CRPPA: variants seen among roughly 807,000 people sequenced by gnomAD.
The protein encoded by CRPPA is CDP-L-ribitol pyrophosphorylase A, also known as D-ribitol-5-phosphate cytidylyltransferase.
Under a neutral mutation model 52.0 loss-of-function variants are expected in CRPPA, and 43 were observed. The ratio of observed to expected loss-of-function variants is 0.83; its 90% CI spans 0.65 to 1.07. The LOEUF (loss-of-function observed/expected upper bound fraction) is 1.07, where lower values mean the gene tolerates loss of function less well. CRPPA is among the 50% of genes least tolerant of loss of function. The pLI is 0.00. For missense variants in CRPPA, 629 were observed against 551.7 expected (o/e 1.14, Z -1.40); for synonymous variants, 250 against 203.5 (o/e 1.23, Z -1.94).
chr7:16,200,454 T>C (rs1781825774), intron 9 of CRPPA, among the ~76,000 whole-genome samples: 1 of 152,070 alleles, frequency 6.6e-6, no homozygotes, highest in Non-Finnish European at 1.5e-5. Flanking sequence ...CATGTGGGAG[T>C]ACTACATGCA....
At chr7:16,365,499 G>C (rs1333380119) in intron 3 of CRPPA, among the ~76,000 whole-genome samples, 1 of 152,140 alleles carries the variant, frequency 6.6e-6, no homozygotes, top group Non-Finnish European at 1.5e-5. Flanking sequence ...CAATGTGGTA[G>C]TATCACAGGA....
At chr7:16,355,752 G>A (rs1786278391) in intron 3 of CRPPA, among the ~76,000 whole-genome samples, 1 of 152,176 alleles carries the variant, frequency 6.6e-6, no homozygotes, top group African/African-American at 2.4e-5. Context: ...TGATAGAACA[G>A]GCTTGAACTA....
intron 1 of CRPPA, among the ~76,000 whole-genome samples, chr7:16,410,127 G>A (rs999478890): frequency 6.6e-6 from 1 of 152,170 alleles, no homozygotes; most frequent in African/African-American, 2.4e-5. Context: ...TTGTTTCTAG[G>A]TATTTGACCC....
intron 9 of CRPPA, among the ~76,000 whole-genome samples, chr7:16,117,804 G>T (rs1782407940): frequency 6.6e-6 from 1 of 152,090 alleles, no homozygotes; most frequent in African/African-American, 2.4e-5. Flanking sequence ...AGTTACTCAG[G>T]TTACTATTGC....
chr7:16,197,036 A>G (rs1332449200), intron 9 of CRPPA, among the ~76,000 whole-genome samples: 1 of 151,994 alleles, frequency 6.6e-6, no homozygotes. Context: ...AGAAAAAGCT[A>G]TCTACCCAAA....
chr7:16,352,623 A>C (rs1786185594), intron 3 of CRPPA, among the ~76,000 whole-genome samples: 1 of 152,150 alleles, frequency 6.6e-6, no homozygotes, highest in Non-Finnish European at 1.5e-5. Context: ...AGGATGTGGC[A>C]AAAAGGGAAC....
intron 9 of CRPPA, among the ~76,000 whole-genome samples, chr7:16,141,746 T>C (rs1782875758): frequency 6.6e-6 from 1 of 152,238 alleles, no homozygotes; most frequent in Non-Finnish European, 1.5e-5. Context: ...AATATATGCA[T>C]GTACTCATCT....
chr7:16,347,602 T>C (rs956411667), intron 3 of CRPPA, among the ~76,000 whole-genome samples: 2 of 152,082 alleles, frequency 1.3e-5, no homozygotes, highest in Non-Finnish European at 1.5e-5. Context: ...CCTTCACCCA[T>C]AGACCCAGTG....
At chr7:16,249,567 C>A (rs1031327433) in intron 8 of CRPPA, among the ~76,000 whole-genome samples, 1 of 152,212 alleles carries the variant, frequency 6.6e-6, no homozygotes. Context: ...GCAGCCTCTG[C>A]TGATCATAGC....
At chr7:16,292,131 T>C (rs112620550) in intron 5 of CRPPA, among the ~76,000 whole-genome samples, 73 of 152,054 alleles carry the variant, frequency 4.8e-4, no homozygotes, top group African/African-American at 1.7e-3. Flanking sequence ...ATTTGCATAG[T>C]TATATTAATC....
chr7:16,106,402 G>A (rs1452213819), intron 9 of CRPPA, among the ~76,000 whole-genome samples: 2 of 152,178 alleles, frequency 1.3e-5, no homozygotes, highest in African/African-American at 2.4e-5. Flanking sequence ...TGGCCATCCA[G>A]GGAGTGTATC....
intron 8 of CRPPA, among the ~76,000 whole-genome samples, chr7:16,230,369 T>G (rs1782761160): frequency 6.6e-6 from 1 of 152,184 alleles, no homozygotes; most frequent in Admixed American, 6.5e-5. Context: ...TTCAGGTTCT[T>G]TCTTGTGCTT....
At chr7:16,379,031 C>A (rs146833038) in intron 2 of CRPPA, among the ~76,000 whole-genome samples, 3 of 152,000 alleles carry the variant, frequency 2.0e-5, no homozygotes, top group Non-Finnish European at 4.4e-5. Context: ...GAGTAGGTTG[C>A]GAAAATTTTC....
chr7:16,130,687 T>A (rs187943425), intron 9 of CRPPA, among the ~76,000 whole-genome samples: 7 of 152,322 alleles, frequency 4.6e-5, no homozygotes, highest in Non-Finnish European at 7.3e-5. Flanking sequence ...AGTGTCTATA[T>A]CCTATTTTTA....
intron 9 of CRPPA, among the ~76,000 whole-genome samples, chr7:16,125,276 A>AAAAAC (rs1562516449): frequency 2.7e-5 from 4 of 149,114 alleles, no homozygotes; most frequent in African/African-American, 5.0e-5. Flanking sequence ...AAAAAAAAAA[A>AAAAAC]AAAAACCAAC....
At chr7:16,361,565 C>T (rs7789712) in intron 3 of CRPPA, among the ~76,000 whole-genome samples, 140,826 of 152,186 alleles carry the variant, frequency 0.93, 65,364 homozygotes, top group East Asian at 0.98. Flanking sequence ...TGTTCCAACA[C>T]AGATGAACCT....
chr7:16,388,291 A>G (rs1033155916), intron 2 of CRPPA, among the ~76,000 whole-genome samples: 2 of 152,190 alleles, frequency 1.3e-5, no homozygotes, highest in Non-Finnish European at 2.9e-5. Flanking sequence ...AAGTATGTGG[A>G]AAATTAATAC....
At chr7:16,106,166 T>C (rs1035424450) in intron 9 of CRPPA, among the ~76,000 whole-genome samples, 2 of 152,204 alleles carry the variant, frequency 1.3e-5, no homozygotes, top group Admixed American at 6.5e-5. Context: ...TTCCAAAAAT[T>C]TGGAGAACCA....
At chr7:16,225,418 G>A (rs1782621280) in intron 8 of CRPPA, among the ~76,000 whole-genome samples, 1 of 151,872 alleles carries the variant, frequency 6.6e-6, no homozygotes, top group African/African-American at 2.4e-5. Context: ...ATTAACATCT[G>A]TAACAAATTT....
Sources: gnomAD v4.1 joint callset for allele counts (sites outside exome capture counted in the v4.1 genomes callset) on GRCh38, gnomAD v4.1.1 for gene constraint, MANE v1.5 for transcripts, NCBI Gene and HGNC (gene_info 2026-07-23, HGNC 2026-07-21) for gene names.